Variants in CFAP70 observed in about 807,000 individuals in gnomAD.
The protein encoded by CFAP70 is cilia and flagella associated protein 70.
CFAP70 carries 81 observed loss-of-function variants against 137.6 expected under a neutral mutation model. That is an observed-to-expected ratio of 0.59 (90% CI 0.49 to 0.71). The LOEUF (loss-of-function observed/expected upper bound fraction) is 0.71, where lower values mean the gene tolerates loss of function less well. Ranked by LOEUF, CFAP70 falls within the 30% of genes least tolerant of loss-of-function variation. CFAP70 has a pLI of 0.00. For missense variants in CFAP70, 976 were observed against 1,226.7 expected (o/e 0.80, Z 3.05); for synonymous variants, 382 against 423.6 (o/e 0.90, Z 1.20).
In CFAP70 at chr10:73,275,728, A is replaced by T; in HGVS notation, c.2521-130T>A. 1.2e-6 allele frequency: 1 copy of T among 832,628 alleles called. No homozygotes were observed. Among genetic ancestry groups the T allele is most frequent in the Non-Finnish European group, 1.7e-6 (1 of 580,554 alleles). 51.6% of individuals were successfully genotyped at this position (832,628 alleles called of 1,614,324 possible). ...GAATGAAATAATTATCCTCAACTTCAAAAGGTAAAGGGTGAATTACAAACA... is the reference window on the plus strand; with the variant it reads ...GAATGAAATAATTATCCTCAACTTCTAAAGGTAAAGGGTGAATTACAAACA... On this transcript the variant is annotated intron_variant, in intron 21 of 26. Coordinates refer to ENST00000310715, the Ensembl canonical transcript of CFAP70. This position sits in a 1 kb window ranked among gnomAD's most constrained non-coding sequence, Gnocchi z 4.0.
intron 6 of CFAP70, among the ~76,000 whole-genome samples, chr10:73,337,131 A>G (rs1487969041): frequency 1.3e-5 from 2 of 152,200 alleles, no homozygotes; most frequent in African/African-American, 2.4e-5. Flanking sequence ...GAATACATGT[A>G]TGTATTAGTG....
chr10:73,255,100 G>A (rs2044339617), intron 26 of CFAP70, among the ~76,000 whole-genome samples: 1 of 152,020 alleles, frequency 6.6e-6, no homozygotes, highest in Non-Finnish European at 1.5e-5. Context: ...CTGTCTCTAT[G>A]AAAAATACAA....
chr10:73,272,247 A>G (rs986617575), intron 24 of CFAP70, among the ~76,000 whole-genome samples: 1 of 152,126 alleles, frequency 6.6e-6, no homozygotes, highest in Non-Finnish European at 1.5e-5. Context: ...AGGCAGGAGG[A>G]TCACTTGAAC....
intron 6 of CFAP70, among the ~76,000 whole-genome samples, chr10:73,339,669 G>C (rs1412085245): frequency 6.6e-6 from 1 of 152,244 alleles, no homozygotes; most frequent in South Asian, 2.1e-4. Flanking sequence ...GGCTGCAGCA[G>C]AGCCGGCAGC....
At chr10:73,281,520 T>C (rs1246733906) in intron 19 of CFAP70, among the ~76,000 whole-genome samples, 3 of 152,120 alleles carry the variant, frequency 2.0e-5, no homozygotes, top group Non-Finnish European at 4.4e-5. Context: ...AGATGGTAAA[T>C]GTTTAACTGC....
chr10:73,354,963 A>G, intron 1 of CFAP70, 128 bp from the exon 2 acceptor site: 1 of 612,538 alleles, frequency 1.6e-6, no homozygotes, highest in Non-Finnish European at 2.9e-6. Flanking sequence ...TATTCCCCAT[A>G]TCCAACCTTT....
chr10:73,254,297 A>G (rs1398158436), intron 26 of CFAP70: 3 of 329,994 alleles, frequency 9.1e-6, no homozygotes, highest in Non-Finnish European at 1.6e-5. Context: ...CATGATTTGT[A>G]CATTTTTTTG....
rs2053977654 is a variant in CFAP70 at position 73,349,174 on chromosome 10, A to C, written c.251-653T>G. ...TATTTTCTATTCTATTTCATACAGA[A>C]GAACTTACTGGTCATAATGCCCATC... On this transcript the variant is annotated intron_variant, in intron 3 of 26. Transcript: ENST00000310715. Among the ~76,000 whole-genome samples, 3 of 152,206 alleles carry C rather than the reference A, an allele frequency of 2.0e-5. No individual in the cohort carries two copies. In the South Asian group the frequency reaches 6.2e-4, roughly 31 times the overall value.
At chr10:73,304,586 A>G (rs935923550) in intron 12 of CFAP70, among the ~76,000 whole-genome samples, 1 of 152,210 alleles carries the variant, frequency 6.6e-6, no homozygotes, top group Non-Finnish European at 1.5e-5. Context: ...AGCAAAAATA[A>G]AAAAGTATTG....
intron 1 of CFAP70, among the ~76,000 whole-genome samples, chr10:73,355,375 G>C (rs982367556): frequency 6.6e-6 from 1 of 152,148 alleles, no homozygotes; most frequent in African/African-American, 2.4e-5. Context: ...TATAAGAATC[G>C]AATGCCTGAT....
chr10:73,362,365 G>A (rs2055044544), upstream of CFAP70, among the ~76,000 whole-genome samples: 1 of 152,184 alleles, frequency 6.6e-6, no homozygotes, highest in Admixed American at 6.5e-5. Context: ...TGTTGAATCT[G>A]TGGAGCACTT....
rs546372793 is a variant in CFAP70, at chr10:73,348,357, T to C, written c.349+66A>G. 18 of 1,551,514 alleles carry C rather than the reference T, an allele frequency of 1.2e-5. No homozygotes were observed. The South Asian group carries it at 1.9e-4, about 16-fold the overall frequency. ...TCAAATTCATTGAGGCTAATTTCTA[T>C]ATCTCTCTGGGGCTAAGTTTTATGA... On this transcript the variant is annotated intron_variant, in intron 4 of 26. Coordinates refer to ENST00000310715, the Ensembl canonical transcript of CFAP70.
chr10:73,287,455 G>A (rs144871605), intron 19 of CFAP70, among the ~76,000 whole-genome samples: 5 of 152,260 alleles, frequency 3.3e-5, no homozygotes, highest in African/African-American at 7.2e-5. Flanking sequence ...ATGAAAAAAC[G>A]ATGCTTTGAT....
At chr10:73,361,160 G>A (rs1437097155), upstream of CFAP70, among the ~76,000 whole-genome samples, 16 of 151,950 alleles carry the variant, frequency 1.1e-4, no homozygotes, top group East Asian at 1.9e-4. Context: ...CACCACGCCC[G>A]GCTAATTTTT....
chr10:73,310,482 T>G (rs2049817102), intron 11 of CFAP70, among the ~76,000 whole-genome samples: 1 of 152,206 alleles, frequency 6.6e-6, no homozygotes, highest in East Asian at 1.9e-4. Flanking sequence ...TCTTGGAAGC[T>G]TCTACAGTGT....
At chr10:73,323,639 C>T (rs966567302) in intron 8 of CFAP70, among the ~76,000 whole-genome samples, 6 of 152,316 alleles carry the variant, frequency 3.9e-5, no homozygotes, top group African/African-American at 7.2e-5. Flanking sequence ...GCGCTTTTGC[C>T]GACGGGCTTA....
intron 3 of CFAP70, 111 bp downstream of exon 3, chr10:73,353,445 T>C: frequency 9.8e-7 from 1 of 1,018,734 alleles, no homozygotes; most frequent in Non-Finnish European, 1.4e-6. Flanking sequence ...CCTTTCTTTC[T>C]CATGATTTTA....
intron 8 of CFAP70, among the ~76,000 whole-genome samples, chr10:73,329,961 T>C (rs2051906979): frequency 6.6e-6 from 1 of 152,262 alleles, no homozygotes; most frequent in Non-Finnish European, 1.5e-5. Context: ...TGATCTCATC[T>C]AAACTTTCAT....
chr10:73,322,830 G>T, intron 9 of CFAP70, 133 bp downstream of exon 10: 2 of 742,518 alleles, frequency 2.7e-6, no homozygotes, highest in African/African-American at 1.8e-5. Context: ...TGACTGTAAG[G>T]CTATATATTT....
Sources: allele counts gnomAD v4.1 joint callset (sites outside exome capture counted in the v4.1 genomes callset), GRCh38; gene constraint gnomAD v4.1.1; non-coding constraint Gnocchi (gnomAD v3.1); transcripts MANE v1.5; gene names NCBI Gene and HGNC (gene_info 2026-07-23, HGNC 2026-07-21).